The following ARHGAP6 variants were observed in gnomAD, a reference collection of about 807,000 sequenced individuals.
ARHGAP6 encodes Rho GTPase activating protein 6.
ARHGAP6 carries 16 observed loss-of-function variants against 55.7 expected under a neutral mutation model. The observed-to-expected ratio is 0.29, with a 90% CI of 0.19 to 0.44. The LOEUF is 0.44. ARHGAP6 is among the 20% of genes least tolerant of loss of function. The probability of loss-of-function intolerance (pLI) is 1.00; values close to 1 mark genes in which losing one functional copy is unlikely to be tolerated. For synonymous variants in ARHGAP6, 382 were observed against 360.9 expected, an observed-to-expected ratio of 1.06 and a Z score of -0.66; for missense variants, 698 against 808.9, an observed-to-expected ratio of 0.86 and a Z score of 1.66.
intron 1 of ARHGAP6, among the ~76,000 whole-genome samples, chrX:11,385,557 T>C (rs1025805198): frequency 6.2e-5 from 7 of 112,137 alleles, no homozygotes; most frequent in Non-Finnish European, 1.3e-4. Context: ...TTTTATTTGT[T>C]CTTTGAGGTG....
chrX:11,282,643 G>A (rs1343577059), intron 1 of ARHGAP6, among the ~76,000 whole-genome samples: 2 of 111,936 alleles, frequency 1.8e-5, no homozygotes, highest in Non-Finnish European at 3.8e-5. Flanking sequence ...ATATTTGATC[G>A]AAACAGAATT....
chrX:11,195,837 C>T (rs67072303), intron 3 of ARHGAP6, among the ~76,000 whole-genome samples: 22,519 of 106,419 alleles, frequency 0.21, 2,017 homozygotes, highest in African/African-American at 0.31. Context: ...AATACTAGGC[C>T]GGGCGCGATG....
At chrX:11,303,595 TA>T (rs2048198206) in intron 1 of ARHGAP6, among the ~76,000 whole-genome samples, 1 of 112,238 alleles carries the variant, frequency 8.9e-6, no homozygotes, top group South Asian at 3.7e-4. Flanking sequence ...CTATTAATTT[TA>T]AAAATGAACG....
chrX:11,639,648 G>C (rs1273695787), intron 1 of ARHGAP6, among the ~76,000 whole-genome samples: 1 of 111,040 alleles, frequency 9.0e-6, no homozygotes, highest in Non-Finnish European at 1.9e-5. Flanking sequence ...AAATTATCAT[G>C]GGACTTCATT....
At chrX:11,536,683 T>C (rs1259705803) in intron 1 of ARHGAP6, among the ~76,000 whole-genome samples, 1 of 112,206 alleles carries the variant, frequency 8.9e-6, no homozygotes, top group African/African-American at 3.2e-5. Flanking sequence ...ATTTAACTTG[T>C]GGTATGAAAA....
At chrX:11,584,427 C>A (rs1436325371) in intron 1 of ARHGAP6, among the ~76,000 whole-genome samples, 1 of 111,561 alleles carries the variant, frequency 9.0e-6, no homozygotes, top group African/African-American at 3.3e-5. Flanking sequence ...TTACTCAGAT[C>A]TAATTTGCCA....
intron 1 of ARHGAP6, among the ~76,000 whole-genome samples, chrX:11,282,874 C>T (rs1204958901): frequency 2.7e-5 from 3 of 112,049 alleles, no homozygotes; most frequent in Non-Finnish European, 3.8e-5. Context: ...AAGCCAGAGG[C>T]GACACTTCAG....
chrX:11,395,029 T>C, intron 1 of ARHGAP6, among the ~76,000 whole-genome samples: 1 of 112,320 alleles, frequency 8.9e-6, no homozygotes. Context: ...ATAAAGCTGG[T>C]GTTGGCAATC....
At chrX:11,661,706 G>A (rs149452447) in intron 1 of ARHGAP6, among the ~76,000 whole-genome samples, 1,902 of 112,286 alleles carry the variant, frequency 0.017, 34 homozygotes, top group African/African-American at 0.058. Flanking sequence ...AGGGATCCTC[G>A]TGGTTTTGGA....
chrX:11,498,339 T>C (rs1333842357), intron 1 of ARHGAP6, among the ~76,000 whole-genome samples: 3 of 112,417 alleles, frequency 2.7e-5, no homozygotes, highest in Non-Finnish European at 3.8e-5. Context: ...TAGGCTTTCA[T>C]GTTTACATGC....
At chrX:11,170,584 T>C (rs1378912174) in intron 8 of ARHGAP6, among the ~76,000 whole-genome samples, 1 of 111,412 alleles carries the variant, frequency 9.0e-6, no homozygotes, top group Non-Finnish European at 1.9e-5. Context: ...GGATGGGGGA[T>C]GCAAGGAAGT....
At chrX:11,289,368 C>A (rs2047958820) in intron 1 of ARHGAP6, among the ~76,000 whole-genome samples, 1 of 111,130 alleles carries the variant, frequency 9.0e-6, no homozygotes, top group South Asian at 3.8e-4. Context: ...CTCCAAACTT[C>A]TCGTATTTCC....
intron 2 of ARHGAP6, among the ~76,000 whole-genome samples, chrX:11,215,524 C>T (rs759890162): frequency 2.7e-5 from 3 of 113,177 alleles, no homozygotes; most frequent in East Asian, 2.8e-4. Context: ...GCCAGCCCCA[C>T]GCTTCTTGAA....
rs559576845 is a variant in ARHGAP6, at chrX:11,139,079, G to A, written c.2709C>T (p.Gly903=). 2.0e-5 allele frequency: 24 copies of A among 1,202,533 alleles called. No homozygotes were observed. The highest frequency in any genetic ancestry group is 2.4e-4 in the Middle Eastern group (1 of 4,233). ...AAAWIQGPPE[G]VETPTDQGGQ... Reference sequence around the variant, plus strand: ...CTCCCTGGTCCGTGGGTGTCTCCACGCCTTCCGGGGGCCCCTGGATCCAGG... The same window carrying A: ...CTCCCTGGTCCGTGGGTGTCTCCACACCTTCCGGGGGCCCCTGGATCCAGG... The change falls in exon 13 of 13, where the codon GGC becomes GGT. Residue 903 remains glycine (G), a synonymous_variant. Coordinates refer to ENST00000337414, the MANE Select transcript of ARHGAP6 (RefSeq NM_013427.3).
At chrX:11,512,216 G>A (rs1440087138) in intron 1 of ARHGAP6, among the ~76,000 whole-genome samples, 1 of 111,991 alleles carries the variant, frequency 8.9e-6, no homozygotes, top group Admixed American at 9.5e-5. Context: ...TTGTGTGATA[G>A]CTATTTACTT....
At chrX:11,317,283 G>A (rs1006320734) in intron 1 of ARHGAP6, among the ~76,000 whole-genome samples, 1 of 112,526 alleles carries the variant, frequency 8.9e-6, no homozygotes, top group Non-Finnish European at 1.9e-5. Context: ...CACCGAAGAT[G>A]TTTAGAAGCA....
At chrX:11,555,650 G>A (rs2051313090) in intron 1 of ARHGAP6, among the ~76,000 whole-genome samples, 1 of 110,896 alleles carries the variant, frequency 9.0e-6, no homozygotes, top group South Asian at 3.9e-4. Flanking sequence ...GGGAGGCTGA[G>A]GTGGGAGAAT....
At chrX:11,521,240 A>C (rs2050922074) in intron 1 of ARHGAP6, among the ~76,000 whole-genome samples, 1 of 111,966 alleles carries the variant, frequency 8.9e-6, no homozygotes, top group Non-Finnish European at 1.9e-5. Flanking sequence ...GCCCATGCCT[A>C]TGTCCTGAAT....
At chrX:11,585,903 T>C (rs1010355178) in intron 1 of ARHGAP6, among the ~76,000 whole-genome samples, 6 of 111,389 alleles carry the variant, frequency 5.4e-5, no homozygotes, top group African/African-American at 2.0e-4. Flanking sequence ...AGAGCCTATA[T>C]GTCCAGAGCA....
Sources: allele counts gnomAD v4.1 joint callset (sites outside exome capture counted in the v4.1 genomes callset), GRCh38; gene constraint gnomAD v4.1.1; transcripts MANE v1.5; gene names NCBI Gene and HGNC (gene_info 2026-07-23, HGNC 2026-07-21).